BCL2L13: variants seen among roughly 807,000 people sequenced by gnomAD.
BCL2L13 encodes BCL2 like 13, also known as bcl-2-like protein 13.
A neutral mutation model predicts 25.8 loss-of-function variants in BCL2L13; 13 were observed. The ratio of observed to expected loss-of-function variants is 0.50; its 90% confidence interval spans 0.33 to 0.80. BCL2L13 has a LOEUF of 0.80. BCL2L13 is among the 30% of genes least tolerant of loss of function. The pLI, the probability that BCL2L13 is intolerant of heterozygous loss-of-function variation, is 0.02. For synonymous variants in BCL2L13, 244 were observed against 230.3 expected, an observed-to-expected ratio of 1.06 and a Z score of -0.54; for missense variants, 504 against 574.9, an observed-to-expected ratio of 0.88 and a Z score of 1.26.
intron 6 of BCL2L13, among the ~76,000 whole-genome samples, chr22:17,720,419 C>T (rs1168189407): frequency 4.6e-5 from 7 of 152,052 alleles, no homozygotes; most frequent in South Asian, 2.1e-4. Context: ...TGCACTGGCG[C>T]GATCTCGGCT....
At chr22:17,631,936 G>C (rs2058037927) in intron 1 of BCL2L13, among the ~76,000 whole-genome samples, 1 of 150,924 alleles carries the variant, frequency 6.6e-6, no homozygotes, top group African/African-American at 2.4e-5. Flanking sequence ...TGGCCAGGCT[G>C]ATCTCGAACT....
Position 17,661,313 on chromosome 22 carries a change from G to A in BCL2L13, c.121+5481G>A, listed in dbSNP as rs1001478005. 4.1e-5 allele frequency among the ~76,000 whole-genome samples: 6 copies of A among 145,086 alleles called. 1 individual carries two copies. The highest frequency in any genetic ancestry group is 4.3e-4 in the South Asian group (2 of 4,634). ...TCACTGTCTTGGCCAGGCTGGTCTC[G>A]AACTCCTAACCTCGTGTTCCACCTG... On this transcript the variant is annotated intron_variant, in intron 2 of 6. Transcript: ENST00000317582.
chr22:17,650,504 A>G (rs2058647878), intron 1 of BCL2L13, among the ~76,000 whole-genome samples: 1 of 151,972 alleles, frequency 6.6e-6, no homozygotes, highest in Non-Finnish European at 1.5e-5. Context: ...GAGGCACGTT[A>G]TTTTTCCTTC....
intron 2 of BCL2L13, among the ~76,000 whole-genome samples, chr22:17,670,687 T>G (rs963223559): frequency 3.3e-5 from 5 of 152,288 alleles, no homozygotes; most frequent in African/African-American, 1.2e-4. Context: ...TCAAGGCAGA[T>G]TTGTATAACC....
At chr22:17,689,180 T>A (rs2060032242) in intron 4 of BCL2L13, 38 bp downstream of exon 4, 1 of 1,603,542 alleles carries the variant, frequency 6.2e-7, no homozygotes, top group African/African-American at 1.3e-5. Flanking sequence ...CTTCTTTAAG[T>A]AGTCTCTGGA....
In BCL2L13 at chr22:17,644,811, T is replaced by C. The variant is rs537218622; in HGVS notation, c.-51+5925T>C. On this transcript the variant is annotated intron_variant, in intron 1 of 6. Coordinates refer to ENST00000317582, the MANE Select transcript of BCL2L13 (RefSeq NM_015367.4). ...AATGTGAGTGCTAGGAATTTCTTTT[T>C]TTTTTTTTTTTCTTTTTGAGACGGA... 8.0e-4 allele frequency among the ~76,000 whole-genome samples: 121 copies of C among 150,680 alleles called. 1 individual carries two copies. The South Asian group carries it at 0.024, about 30-fold the overall frequency.
chr22:17,723,676 T>G (rs554629942), intron 6 of BCL2L13, among the ~76,000 whole-genome samples: 6 of 152,202 alleles, frequency 3.9e-5, no homozygotes, highest in Non-Finnish European at 7.3e-5. Flanking sequence ...GTCTCACGCC[T>G]GTAATCCCAG....
intron 5 of BCL2L13, among the ~76,000 whole-genome samples, chr22:17,698,556 TA>T (rs55650486): frequency 4.0e-3 from 523 of 129,928 alleles, no homozygotes; most frequent in African/African-American, 0.012. Flanking sequence ...CCCTGTCTCT[TA>T]AAAAAAAAAA....
At chr22:17,701,915 CAAAAAAAA>C (rs5844321) in intron 5 of BCL2L13, among the ~76,000 whole-genome samples, 1 of 104,450 alleles carries the variant, frequency 9.6e-6, no homozygotes, top group Non-Finnish European at 2.0e-5. Context: ...GACTCCATCT[CAAAAAAAA>C]AAAAAAAAAA....
chr22:17,631,166 G>A (rs1003527708), intron 1 of BCL2L13, among the ~76,000 whole-genome samples: 1 of 150,072 alleles, frequency 6.7e-6, no homozygotes, highest in African/African-American at 2.5e-5. Flanking sequence ...GTGCAAACTC[G>A]GCTCACTGCA....
At chr22:17,706,258 G>A (rs1485182970) in intron 6 of BCL2L13, among the ~76,000 whole-genome samples, 3 of 151,222 alleles carry the variant, frequency 2.0e-5, no homozygotes, top group Admixed American at 6.6e-5. Flanking sequence ...AATCCTCCCC[G>A]CTTGGCCTCC....
intron 4 of BCL2L13, among the ~76,000 whole-genome samples, chr22:17,690,592 C>T (rs931444143): frequency 6.6e-6 from 1 of 151,894 alleles, no homozygotes; most frequent in African/African-American, 2.4e-5. Flanking sequence ...GACCCTGTCT[C>T]TACAAAAAAA....
At chr22:17,658,505 C>T (rs1206367597) in intron 2 of BCL2L13, among the ~76,000 whole-genome samples, 2 of 151,380 alleles carry the variant, frequency 1.3e-5, no homozygotes, top group African/African-American at 2.4e-5. Context: ...CCATTCTGGC[C>T]AACATGATGA....
At position 17,648,425 on chromosome 22, in the gene BCL2L13, T is replaced by G. The variant is rs981421520; in HGVS notation, c.-50-7237T>G. 2.6e-5 allele frequency among the ~76,000 whole-genome samples: 4 copies of G among 152,168 alleles called. No individual in the cohort carries two copies. In the East Asian group the frequency reaches 7.7e-4, roughly 29 times the overall value. ...CTAAATTAGAAGTTGGGGCCAGATATGGTGGCTCACGCTTGTAATCCCAGC... is the reference window on the plus strand; with the variant it reads ...CTAAATTAGAAGTTGGGGCCAGATAGGGTGGCTCACGCTTGTAATCCCAGC... On this transcript the variant is annotated intron_variant, in intron 1 of 6. Transcript: ENST00000317582.
rs890631679 is a variant in BCL2L13, at chr22:17,656,335, C to CTTTTTT, written c.121+531_121+536dup. 4.6e-3 allele frequency among the ~76,000 whole-genome samples: 265 copies of CTTTTTT among 57,888 alleles called. 44 individuals carry two copies. The highest frequency in any genetic ancestry group is 0.013 in the African/African-American group (148 of 11,818). 38.0% of individuals were successfully genotyped at this position (57,888 alleles called of 152,430 possible). ...CAAAAGTATTTTTTTTCATTTTATT[C>CTTTTTT]TTTTTTTTTTTTTTTTTTTTTTTTT... On this transcript the variant is annotated intron_variant, in intron 2 of 6. Transcript: ENST00000317582.
chr22:17,707,822 T>C (rs754414127), intron 6 of BCL2L13, among the ~76,000 whole-genome samples: 1 of 152,126 alleles, frequency 6.6e-6, no homozygotes, highest in Non-Finnish European at 1.5e-5. Flanking sequence ...AGCAGCTGTG[T>C]CTCAGAAGGT....
intron 6 of BCL2L13, among the ~76,000 whole-genome samples, chr22:17,714,521 T>C (rs750064735): frequency 6.6e-6 from 1 of 152,094 alleles, no homozygotes; most frequent in African/African-American, 2.4e-5. Context: ...AGAAGTATGG[T>C]CACATTTTGA....
At chr22:17,648,005 C>G (rs1418956336) in intron 1 of BCL2L13, among the ~76,000 whole-genome samples, 5 of 151,948 alleles carry the variant, frequency 3.3e-5, no homozygotes, top group African/African-American at 4.8e-5. Flanking sequence ...TGGCACACCC[C>G]TGTAGTCCGA....
chr22:17,660,463 A>G (rs564262616), intron 2 of BCL2L13, among the ~76,000 whole-genome samples: 15 of 146,564 alleles, frequency 1.0e-4, no homozygotes, highest in Admixed American at 2.7e-4. Context: ...TCTTCTGCCC[A>G]GGCTGGAGTG....
Sources: gnomAD v4.1 joint callset for allele counts (sites outside exome capture counted in the v4.1 genomes callset) on GRCh38, gnomAD v4.1.1 for gene constraint, MANE v1.5 for transcripts, NCBI Gene and HGNC (gene_info 2026-07-23, HGNC 2026-07-21) for gene names.